The following EPHA3 variants were observed in gnomAD, a reference collection of about 807,000 sequenced individuals.
EPHA3 encodes the protein ephrin type-A receptor 3.
Under a neutral mutation model 107.1 loss-of-function variants are expected in EPHA3, and 42 were observed. The ratio of observed to expected loss-of-function variants is 0.39; its 90% CI spans 0.31 to 0.51. The LOEUF (loss-of-function observed/expected upper bound fraction) is 0.51, where lower values mean the gene tolerates loss of function less well. EPHA3 is among the 20% of genes least tolerant of loss of function. The pLI, the probability that EPHA3 is intolerant of heterozygous loss-of-function variation, is 0.78. For synonymous variants in EPHA3, 461 were observed against 424.8 expected (o/e 1.09, Z -1.05); for missense variants, 1,183 against 1,211.2 (o/e 0.98, Z 0.35).
chr3:89,304,753 G>A (rs572465319), intron 3 of EPHA3, among the ~76,000 whole-genome samples: 42 of 152,008 alleles, frequency 2.8e-4, no homozygotes, highest in South Asian at 4.1e-4. Flanking sequence ...ATGATAGTTT[G>A]TCTATTTCCT....
At chr3:89,478,958 T>C (rs1710572762) in intron 16 of EPHA3, among the ~76,000 whole-genome samples, 1 of 152,214 alleles carries the variant, frequency 6.6e-6, no homozygotes, top group South Asian at 2.1e-4. Context: ...TTCTAGTTTC[T>C]GGTGGATCCT....
intron 5 of EPHA3, among the ~76,000 whole-genome samples, chr3:89,374,055 T>C (rs1708355168): frequency 6.6e-6 from 1 of 151,712 alleles, no homozygotes; most frequent in South Asian, 2.1e-4. Context: ...ATTTCAAATA[T>C]GTACAATTAT....
intron 3 of EPHA3, among the ~76,000 whole-genome samples, chr3:89,286,479 G>A (rs1706086593): frequency 6.6e-6 from 1 of 152,114 alleles, no homozygotes; most frequent in Non-Finnish European, 1.5e-5. Flanking sequence ...TTCTCCAGTA[G>A]TTAATTGAGA....
intron 13 of EPHA3, among the ~76,000 whole-genome samples, chr3:89,439,376 T>C (rs931828198): frequency 2.6e-5 from 4 of 152,128 alleles, no homozygotes; most frequent in Non-Finnish European, 4.4e-5. Flanking sequence ...GAGGGTCGCT[T>C]GAGCCCAGGA....
intron 9 of EPHA3, among the ~76,000 whole-genome samples, chr3:89,409,443 A>AT (rs199565162): frequency 6.6e-4 from 98 of 149,330 alleles, no homozygotes; most frequent in East Asian, 5.5e-3. Context: ...TGCTGATTTG[A>AT]TTTTTTTTTT....
chr3:89,373,099 G>A (rs943289289), intron 5 of EPHA3, among the ~76,000 whole-genome samples: 3 of 151,642 alleles, frequency 2.0e-5, no homozygotes, highest in African/African-American at 7.3e-5. Context: ...GCACAAAATA[G>A]TTTTCACGCC....
intron 3 of EPHA3, among the ~76,000 whole-genome samples, chr3:89,289,516 T>C (rs1223913191): frequency 6.6e-6 from 1 of 152,162 alleles, no homozygotes; most frequent in Non-Finnish European, 1.5e-5. Flanking sequence ...CACATTTATC[T>C]GAGAGCCTTG....
chr3:89,194,836 C>A (rs1705799307), intron 2 of EPHA3, among the ~76,000 whole-genome samples: 1 of 152,052 alleles, frequency 6.6e-6, no homozygotes, highest in African/African-American at 2.4e-5. Flanking sequence ...CTCACCTCTG[C>A]AAATGCTCCT....
At chr3:89,130,878 C>T (rs1371325000) in intron 2 of EPHA3, among the ~76,000 whole-genome samples, 2 of 152,096 alleles carry the variant, frequency 1.3e-5, no homozygotes, top group Non-Finnish European at 2.9e-5. Context: ...CCTCGTGATC[C>T]GCCCGCCTTG....
intron 3 of EPHA3, among the ~76,000 whole-genome samples, chr3:89,308,010 G>A (rs1706667411): frequency 6.6e-6 from 1 of 152,166 alleles, no homozygotes; most frequent in Admixed American, 6.5e-5. Flanking sequence ...TGACTCTTTA[G>A]AGTGTAATCA....
intron 5 of EPHA3, among the ~76,000 whole-genome samples, chr3:89,343,225 A>C (rs1707573601): frequency 6.6e-6 from 1 of 152,200 alleles, no homozygotes; most frequent in South Asian, 2.1e-4. Flanking sequence ...TTCTGTTTCC[A>C]TCACCTGGCT....
intron 3 of EPHA3, among the ~76,000 whole-genome samples, chr3:89,242,531 G>A (rs1349937370): frequency 5.3e-5 from 8 of 152,118 alleles, no homozygotes; most frequent in Non-Finnish European, 1.2e-4. Context: ...TCCGCCTCCC[G>A]GGTTCACACC....
At chr3:89,283,632 C>A (rs1338485485) in intron 3 of EPHA3, among the ~76,000 whole-genome samples, 1 of 151,952 alleles carries the variant, frequency 6.6e-6, no homozygotes, top group Admixed American at 6.6e-5. Flanking sequence ...GAAGGACAGG[C>A]CAAATTAGGT....
At chr3:89,424,294 T>A (rs917811607) in intron 11 of EPHA3, among the ~76,000 whole-genome samples, 1 of 151,400 alleles carries the variant, frequency 6.6e-6, no homozygotes, top group African/African-American at 2.4e-5. Context: ...GAAAGTTCTA[T>A]CTTAATAAAT....
intron 2 of EPHA3, among the ~76,000 whole-genome samples, chr3:89,145,762 A>T (rs1576182108): frequency 6.6e-6 from 1 of 150,908 alleles, no homozygotes; most frequent in Non-Finnish European, 1.5e-5. Flanking sequence ...TTCCTGAGGA[A>T]TTTTTTTTTC....
Position 89,407,339 on chromosome 3 carries a change from C to T in EPHA3, c.1665C>T (p.Leu555=). The change falls in exon 8 of 17, where the codon CTC becomes CTT. Residue 555 remains leucine, a synonymous_variant. Transcript: ENST00000336596. The part of the protein sequence containing the change: ...IAISAAVAII[L]LTVVIYVLIG... ...TTTCAGCGGCAGTAGCAATTATTCT[C>T]CTCACTGTTGTCATCTATGTTTTGA... 2 of 1,613,532 alleles carry T rather than the reference C, an allele frequency of 1.2e-6. No individual in the cohort carries two copies. Among genetic ancestry groups the T allele is most frequent in the Non-Finnish European group, 1.7e-6 (2 of 1,179,584 alleles).
chr3:89,219,686 A>ATGTGTTTTTTTTTGTTTTTTT (rs746458955), intron 3 of EPHA3, among the ~76,000 whole-genome samples: 1 of 38,812 alleles, frequency 2.6e-5, no homozygotes, highest in Admixed American at 4.7e-4. Flanking sequence ...GCATTTGGCA[A>ATGTGTTTTTTTTTGTTTTTTT]TGTTTTTTTT....
intron 3 of EPHA3, among the ~76,000 whole-genome samples, chr3:89,234,545 G>C (rs1322534817): frequency 6.6e-6 from 1 of 152,180 alleles, no homozygotes; most frequent in Non-Finnish European, 1.5e-5. Flanking sequence ...ATGTGCTGGT[G>C]TCTTCCTTAG....
At chr3:89,438,876 A>G (rs78830200) in intron 13 of EPHA3, among the ~76,000 whole-genome samples, 1,850 of 152,342 alleles carry the variant, frequency 0.012, 47 homozygotes, top group African/African-American at 0.042. Flanking sequence ...TCGACACTTA[A>G]TGAAAAGTCT....
Sources: allele counts gnomAD v4.1 joint callset (sites outside exome capture counted in the v4.1 genomes callset), GRCh38; gene constraint gnomAD v4.1.1; transcripts MANE v1.5; gene names NCBI Gene and HGNC (gene_info 2026-07-23, HGNC 2026-07-21).